Variants in LAMA1 observed in about 807,000 individuals in gnomAD.
The protein encoded by LAMA1 is laminin subunit alpha-1.
Under a neutral mutation model 348.7 loss-of-function variants are expected in LAMA1, and 219 were observed. That is an observed-to-expected ratio of 0.63 (90% confidence interval 0.56 to 0.70). The LOEUF (loss-of-function observed/expected upper bound fraction) is 0.70, where lower values mean the gene tolerates loss of function less well. LAMA1 is among the 30% of genes least tolerant of loss of function. The pLI is 0.00. For synonymous variants in LAMA1, 1,487 were observed against 1,491.0 expected (o/e 1.00, Z 0.06); for missense variants, 3,744 against 3,888.0 (o/e 0.96, Z 0.99).
intron 1 of LAMA1, among the ~76,000 whole-genome samples, chr18:7,098,943 G>A (rs1336106496): frequency 7.9e-5 from 12 of 151,472 alleles, no homozygotes; most frequent in South Asian, 2.1e-4. Context: ...CCCTCTGCCC[G>A]GCCACCACCC....
intron 41 of LAMA1, among the ~76,000 whole-genome samples, chr18:6,981,209 C>G (rs1363509026): frequency 6.6e-6 from 1 of 152,116 alleles, no homozygotes; most frequent in Non-Finnish European, 1.5e-5. Context: ...ATTTCATGTC[C>G]AATTTTACTA....
chr18:7,116,828 T>C (rs1303397793), intron 1 of LAMA1, among the ~76,000 whole-genome samples: 3 of 147,380 alleles, frequency 2.0e-5, no homozygotes, highest in Non-Finnish European at 4.4e-5. Flanking sequence ...CTCTCTCTCT[T>C]TCTTTCTTCT....
chr18:7,040,633 G>T (rs1166301799), intron 9 of LAMA1, among the ~76,000 whole-genome samples: 1 of 152,188 alleles, frequency 6.6e-6, no homozygotes, highest in Admixed American at 6.5e-5. Context: ...GTTGCCATAA[G>T]ATCCAGCAAC....
At chr18:7,079,161 T>C (rs2058182900) in intron 3 of LAMA1, among the ~76,000 whole-genome samples, 2 of 152,206 alleles carry the variant, frequency 1.3e-5, no homozygotes, top group Admixed American at 6.5e-5. Context: ...ATGAAACTTA[T>C]GAGTTCTAAC....
At chr18:6,996,245 T>C (rs1366488297) in intron 33 of LAMA1, among the ~76,000 whole-genome samples, 2 of 152,102 alleles carry the variant, frequency 1.3e-5, no homozygotes, top group African/African-American at 4.8e-5. Context: ...ACTACCATTA[T>C]AGAGAAAAGA....
chr18:6,955,783 C>T (rs1049465687), intron 56 of LAMA1: 2 of 424,794 alleles, frequency 4.7e-6, no homozygotes, highest in Non-Finnish European at 4.4e-6. Context: ...TCCCCCTAGG[C>T]CCCCGCCGTG....
At chr18:7,065,765 A>G (rs560053712) in intron 3 of LAMA1, among the ~76,000 whole-genome samples, 27 of 152,340 alleles carry the variant, frequency 1.8e-4, no homozygotes, top group African/African-American at 6.0e-4. Flanking sequence ...GCGAATAAGT[A>G]TAATAGTTTT....
chr18:7,005,074 A>T (rs1167424549), intron 29 of LAMA1, among the ~76,000 whole-genome samples: 2 of 152,196 alleles, frequency 1.3e-5, no homozygotes, highest in African/African-American at 4.8e-5. Context: ...GAAGACAGAC[A>T]GTGACATGCA....
intron 1 of LAMA1, among the ~76,000 whole-genome samples, chr18:7,096,640 G>A (rs2058262280): frequency 7.0e-6 from 1 of 142,240 alleles, no homozygotes; most frequent in African/African-American, 2.7e-5. Flanking sequence ...AGGTGACCAA[G>A]CAAGACACTC....
At position 7,034,708 on chromosome 18, in the gene LAMA1, G is replaced by C. The variant is rs375248402; in HGVS notation, c.1840-18C>G. On this transcript the variant is annotated intron_variant, in intron 13 of 62. Coordinates refer to ENST00000389658, the MANE Select transcript of LAMA1 (RefSeq NM_005559.4). Reference sequence around the variant, plus strand: ...CCGTTTCCCTAACATTTAAAAACAAGAGAAAATATATTTGTCATTCAATTT... The same window carrying C: ...CCGTTTCCCTAACATTTAAAAACAACAGAAAATATATTTGTCATTCAATTT... 1.6e-5 allele frequency: 25 copies of C among 1,592,206 alleles called. No individual in the cohort carries two copies. Among genetic ancestry groups the C allele is most frequent in the Non-Finnish European group, 2.1e-5 (24 of 1,160,830 alleles).
intron 56 of LAMA1, chr18:6,956,263 CTT>C (rs34931978): frequency 8.7e-3 from 2,680 of 307,970 alleles, no homozygotes; most frequent in South Asian, 0.011. Flanking sequence ...TGAATTGAAT[CTT>C]TTTTTTTTTT....
chr18:7,064,811 T>C (rs546691286), intron 3 of LAMA1, among the ~76,000 whole-genome samples: 2 of 152,264 alleles, frequency 1.3e-5, no homozygotes, highest in East Asian at 1.9e-4. Context: ...CATTAAATAG[T>C]AGGAAAAGCA....
At chr18:7,108,610 C>A (rs2058323354) in intron 1 of LAMA1, among the ~76,000 whole-genome samples, 1 of 125,804 alleles carries the variant, frequency 7.9e-6, no homozygotes. Flanking sequence ...GAGCCGAGAC[C>A]ATGCCACTGC....
At chr18:7,103,772 T>C (rs980772055) in intron 1 of LAMA1, among the ~76,000 whole-genome samples, 1 of 151,098 alleles carries the variant, frequency 6.6e-6, no homozygotes, top group Non-Finnish European at 1.5e-5. Flanking sequence ...TGAGCCGAGA[T>C]TGTGCCACTG....
At chr18:7,065,116 C>T (rs926671903) in intron 3 of LAMA1, among the ~76,000 whole-genome samples, 9 of 151,838 alleles carry the variant, frequency 5.9e-5, no homozygotes, top group African/African-American at 2.2e-4. Flanking sequence ...GCCTGTAGTC[C>T]CAGCTACTCA....
chr18:6,966,156 T>C lies in LAMA1; in HGVS notation c.7041A>G (p.Ser2347=), dbSNP rs780953676. The C allele has an allele frequency of 1.2e-6, 2 of 1,614,176 alleles. No individual in the cohort carries two copies. Among genetic ancestry groups the C allele is most frequent in the Non-Finnish European group, 1.7e-6 (2 of 1,180,018 alleles). The change falls in exon 49 of 63, where the codon TCA becomes TCG. Residue 2347 remains serine, a synonymous_variant. Transcript: ENST00000389658. ...GCACAAACACTCTTACTGTGCCGTA[T>C]GAACCCAGGTAGAGAAGAAGTCCAT... ...SPNGLLLYLG[S]YGTKDFLSIE...
chr18:7,048,103 G>A (rs927556458), intron 5 of LAMA1, among the ~76,000 whole-genome samples: 1 of 152,152 alleles, frequency 6.6e-6, no homozygotes, highest in Non-Finnish European at 1.5e-5. Flanking sequence ...GAACGGATAT[G>A]TTTGCAATAT....
At chr18:7,069,988 A>C (rs1292706490) in intron 3 of LAMA1, among the ~76,000 whole-genome samples, 2 of 152,246 alleles carry the variant, frequency 1.3e-5, no homozygotes, top group African/African-American at 4.8e-5. Context: ...CTTACACAAT[A>C]GATAACCAGC....
chr18:7,021,833 A>ATATTATATTAT (rs199751950), intron 19 of LAMA1, among the ~76,000 whole-genome samples: 44 of 65,914 alleles, frequency 6.7e-4, no homozygotes, highest in Middle Eastern at 0.018. Flanking sequence ...TATATAATAT[A>ATATTATATTAT]ATAATATATT....
Sources: gnomAD v4.1 joint callset for allele counts (sites outside exome capture counted in the v4.1 genomes callset) on GRCh38, gnomAD v4.1.1 for gene constraint, MANE v1.5 for transcripts, NCBI Gene and HGNC (gene_info 2026-07-23, HGNC 2026-07-21) for gene names.